Variants in N4BP1 observed in about 807,000 individuals in gnomAD.
The protein encoded by N4BP1 is NEDD4 binding protein 1, also known as NEDD4-binding protein 1.
In N4BP1, 21 loss-of-function variants were observed where a neutral mutation model predicts 70.9. The ratio of observed to expected loss-of-function variants is 0.30; its 90% CI spans 0.21 to 0.43. The LOEUF is 0.43. Ranked by LOEUF, N4BP1 falls within the 20% of genes least tolerant of loss-of-function variation. N4BP1 has a pLI of 1.00. For missense variants in N4BP1, 936 were observed against 1,069.4 expected (o/e 0.88, Z 1.74); for synonymous variants, 387 against 394.6 (o/e 0.98, Z 0.23).
At chr16:48,551,768 C>T (rs1963669438) in intron 3 of N4BP1, among the ~76,000 whole-genome samples, 1 of 152,200 alleles carries the variant, frequency 6.6e-6, no homozygotes, top group Non-Finnish European at 1.5e-5. Context: ...CCTGTAATCC[C>T]AGCACTTTGG....
chr16:48,549,542 C>A (rs1200873162), intron 4 of N4BP1, among the ~76,000 whole-genome samples: 2 of 152,224 alleles, frequency 1.3e-5, no homozygotes, highest in Non-Finnish European at 2.9e-5. Flanking sequence ...GGGTCCCTGC[C>A]CGTGTCACAG....
intron 3 of N4BP1, among the ~76,000 whole-genome samples, chr16:48,552,740 A>G (rs1424900598): frequency 3.3e-5 from 4 of 121,106 alleles, no homozygotes; most frequent in African/African-American, 1.3e-4. Context: ...AAAAAAAAAG[A>G]CTCCTTCAGG....
Position 48,562,323 on chromosome 16 carries a change from C to T in N4BP1, c.320G>A (p.Cys107Tyr). ...AATGTCCAGAATGCAGAGGTCAGCACAAGTATCCTGAATCAAGCTTTTCAG... is the reference window on the plus strand; with the variant it reads ...AATGTCCAGAATGCAGAGGTCAGCATAAGTATCCTGAATCAAGCTTTTCAG... Reference protein sequence around the residue: ...LFLKSLIQDTCADLCILDIGL... With the variant: ...LFLKSLIQDTYADLCILDIGL... The change falls in exon 2 of 7, where the codon TGT (cysteine) becomes TAT (tyrosine). Residue 107 changes from cysteine to tyrosine, a missense_variant. By Grantham distance (194) the Cys-to-Tyr change is radical (BLOSUM62 -2). This residue lies in a region of N4BP1 where 187 missense variants were observed against 217.1 expected (regional missense o/e 0.86). Coordinates refer to ENST00000262384, the MANE Select transcript of N4BP1 (RefSeq NM_153029.4). The T allele has an allele frequency of 6.2e-7, 1 of 1,613,912 alleles. No homozygotes were observed. The highest frequency in any genetic ancestry group is 1.1e-5 in the South Asian group (1 of 91,084).
intron 6 of N4BP1, among the ~76,000 whole-genome samples, chr16:48,544,419 G>A (rs1247311022): frequency 6.6e-6 from 1 of 152,204 alleles, no homozygotes; most frequent in South Asian, 2.1e-4. Flanking sequence ...AAAATGCTGA[G>A]AGAGCTGTGT....
chr16:48,588,504 A>G (rs1408189751), intron 1 of N4BP1, among the ~76,000 whole-genome samples: 1 of 152,104 alleles, frequency 6.6e-6, no homozygotes, highest in Non-Finnish European at 1.5e-5. Flanking sequence ...CATATTGGCC[A>G]GGCTGGTCTC....
chr16:48,546,349 C>G lies in N4BP1; in HGVS notation c.2226-95G>C, dbSNP rs528980397. 5.2e-6 allele frequency: 4 copies of G among 762,138 alleles called. No homozygotes were observed. The East Asian group carries it at 1.1e-4, about 22-fold the overall frequency. The allele number at this position is 762,138 out of a possible 1,614,324, so 47.2% of individuals were successfully genotyped here. On this transcript the variant is annotated intron_variant, in intron 5 of 6. Coordinates refer to ENST00000262384, the MANE Select transcript of N4BP1 (RefSeq NM_153029.4). ...AAGCAGCCACCTGATGCCAAAGCAA[C>G]GGTCAGGTCAGCCTACAAATCCTAA... is the stretch of plus-strand genomic sequence containing the variant.
intron 1 of N4BP1, among the ~76,000 whole-genome samples, chr16:48,605,555 C>T (rs1381238704): frequency 2.0e-5 from 3 of 152,202 alleles, no homozygotes; most frequent in Non-Finnish European, 4.4e-5. Flanking sequence ...TCTTTCCCCT[C>T]TCTCTGGGCC....
At position 48,551,522 on chromosome 16, in the gene N4BP1, C is replaced by G. The variant is rs16946272; in HGVS notation, c.2021-40G>C. 4.6e-3 allele frequency: 6,365 copies of G among 1,386,546 alleles called. 217 individuals are homozygous for G. The African/African-American group carries it at 0.073, about 16-fold the overall frequency. The allele number at this position is 1,386,546 out of a possible 1,614,324, so 85.9% of individuals were successfully genotyped here. On this transcript the variant is annotated intron_variant, in intron 3 of 6. Transcript: ENST00000262384. ...AGTTGAATATACATTCAGAAAAGGG[C>G]TATCTTCCCAAATGTATCAAGAAAT...
At position 48,548,047 on chromosome 16, in the gene N4BP1, C is replaced by A; in HGVS notation, c.2185G>T (p.Val729Leu). 1 of 1,612,306 alleles carries A rather than the reference C, an allele frequency of 6.2e-7. No individual in the cohort carries two copies. The highest frequency in any genetic ancestry group is 8.5e-7 in the Non-Finnish European group (1 of 1,178,364). ...IVTNDNFREF[V>L]NESVSWREII... ...TCTCTCCAAGAGACTGACTCATTCA[C>A]AAATTCTCTGAAATTATCATTTGTC... The change falls in exon 5 of 7, where the codon GTG becomes TTG. Residue 729 changes from valine (V) to leucine (L), a missense_variant. By Grantham distance (32) the Val-to-Leu change is conservative. This residue lies in a region of N4BP1 where 229 missense variants were observed against 343.5 expected (regional missense o/e 0.67). Coordinates refer to ENST00000262384, the MANE Select transcript of N4BP1 (RefSeq NM_153029.4).
intron 1 of N4BP1, among the ~76,000 whole-genome samples, chr16:48,565,817 GA>G (rs1425341509): frequency 1.5e-4 from 23 of 152,274 alleles, no homozygotes; most frequent in Non-Finnish European, 3.1e-4. Context: ...AGACAATTTT[GA>G]ATAGCCTTAT....
intron 1 of N4BP1, among the ~76,000 whole-genome samples, chr16:48,568,229 C>T (rs74860901): frequency 0.029 from 4,409 of 152,210 alleles, 198 homozygotes; most frequent in African/African-American, 0.098. Context: ...GGCACTGACC[C>T]GTGTTGTCAC....
intron 1 of N4BP1, among the ~76,000 whole-genome samples, chr16:48,581,347 C>T (rs1964172233): frequency 6.6e-6 from 1 of 151,956 alleles, no homozygotes; most frequent in Non-Finnish European, 1.5e-5. Flanking sequence ...AAGGCTCTTC[C>T]TGTAAGATCT....
chr16:48,558,035 C>T (rs909558224), intron 2 of N4BP1, among the ~76,000 whole-genome samples: 2 of 152,116 alleles, frequency 1.3e-5, no homozygotes, highest in South Asian at 2.1e-4. Flanking sequence ...TTACTACGTT[C>T]GCAATGCCGT....
At chr16:48,609,039 A>T in intron 1 of N4BP1, among the ~76,000 whole-genome samples, 1 of 136,642 alleles carries the variant, frequency 7.3e-6, no homozygotes, top group African/African-American at 3.0e-5. Flanking sequence ...ACATAGTGAA[A>T]TCCCCTACCA....
intron 1 of N4BP1, among the ~76,000 whole-genome samples, chr16:48,564,273 A>G (rs1362808691): frequency 2.6e-5 from 4 of 152,220 alleles, no homozygotes; most frequent in Non-Finnish European, 5.9e-5. Context: ...AGCCTGGGGT[A>G]CTGAAGACCT....
intron 1 of N4BP1, among the ~76,000 whole-genome samples, chr16:48,590,399 G>GT (rs1343154117): frequency 6.6e-6 from 1 of 152,202 alleles, no homozygotes; most frequent in African/African-American, 2.4e-5. Flanking sequence ...AGCCAGCTGT[G>GT]TGTGAATTAC....
chr16:48,572,536 A>G (rs1374128426), intron 1 of N4BP1, among the ~76,000 whole-genome samples: 3 of 152,256 alleles, frequency 2.0e-5, no homozygotes, highest in African/African-American at 7.2e-5. Context: ...TATAGAATAA[A>G]GACCCATAAA....
At chr16:48,567,085 AC>A (rs984412309) in intron 1 of N4BP1, among the ~76,000 whole-genome samples, 3 of 152,052 alleles carry the variant, frequency 2.0e-5, no homozygotes, top group African/African-American at 7.2e-5. Context: ...CATTTTACTT[AC>A]CTGTAATATT....
chr16:48,610,004 G>T lies in N4BP1; in HGVS notation c.-32C>A. The T allele has an allele frequency of 9.0e-7, 1 of 1,116,684 alleles. No individual in the cohort carries two copies. The highest frequency in any genetic ancestry group is 1.1e-6 in the Non-Finnish European group (1 of 913,670). 69.2% of individuals were successfully genotyped at this position (1,116,684 alleles called of 1,614,324 possible). A position where few individuals can be genotyped will look rare whatever the true frequency, so the allele number is the denominator to read the frequency against. The stretch of plus-strand genomic sequence containing the variant: ...CGCGGCCTCCCGCGGCGGCGCCGGG[G>T]GCCGGCGGCGGCGACGCCCCCTCAG... On this transcript the variant is annotated 5_prime_UTR_variant, in exon 1 of 7. Transcript: ENST00000262384.
Sources: gnomAD v4.1 joint callset for allele counts (sites outside exome capture counted in the v4.1 genomes callset) on GRCh38, gnomAD v4.1.1 for gene constraint, gnomAD v4.1.1 regional missense constraint, MANE v1.5 for transcripts, NCBI Gene and HGNC (gene_info 2026-07-23, HGNC 2026-07-21) for gene names.